PDS5B: variants seen among roughly 807,000 people sequenced by gnomAD.
PDS5B encodes the protein PDS5 cohesin associated factor B.
Under a neutral mutation model 184.1 loss-of-function variants are expected in PDS5B, and 51 were observed. That is an observed-to-expected ratio of 0.28 (90% CI 0.22 to 0.35). The LOEUF is 0.35. Among genes scored for constraint, PDS5B ranks in the 10% least tolerant of loss-of-function variants. The probability of loss-of-function intolerance (pLI) is 1.00; values close to 1 mark genes in which losing one functional copy is unlikely to be tolerated. For missense variants in PDS5B, 1,180 were observed against 1,723.3 expected (o/e 0.68, Z 5.58); for synonymous variants, 566 against 569.2 (o/e 0.99, Z 0.08).
chr13:32,646,774 G>GT (rs1465380923), intron 1 of PDS5B, among the ~76,000 whole-genome samples: 1 of 152,010 alleles, frequency 6.6e-6, no homozygotes, highest in Admixed American at 6.5e-5. Context: ...AAGCAATGTT[G>GT]TAGGTACTTT....
At chr13:32,602,607 T>C (rs2057994844) in intron 1 of PDS5B, among the ~76,000 whole-genome samples, 1 of 152,232 alleles carries the variant, frequency 6.6e-6, no homozygotes, top group South Asian at 2.1e-4. Flanking sequence ...TTTGGGTATA[T>C]ACCCAGTAAT....
chr13:32,629,248 C>T (rs983856700), intron 1 of PDS5B, among the ~76,000 whole-genome samples: 5 of 151,818 alleles, frequency 3.3e-5, no homozygotes, highest in South Asian at 2.1e-4. Context: ...ATCATTGCTC[C>T]GAGTTGTTCG....
Position 32,659,715 on chromosome 13 carries a change from GATTA to G in PDS5B, c.624+441_624+444del, listed in dbSNP as rs904609978. ...TGGTGACAGTGTTTCTTGCCTGCGT[GATTA>G]ATTAAGATGTTATGTTTGTATGTTT... is the stretch of plus-strand genomic sequence containing the variant. On this transcript the variant is annotated intron_variant, in intron 6 of 34. Coordinates refer to ENST00000315596, the MANE Select transcript of PDS5B (RefSeq NM_015032.4). Among the ~76,000 whole-genome samples, 9 of 152,282 alleles carry G rather than the reference GATTA, an allele frequency of 5.9e-5. No homozygotes were observed. The South Asian group carries it at 6.2e-4, about 11-fold the overall frequency.
chr13:32,699,940 A>C (rs573213536), intron 16 of PDS5B, 71 bp downstream of exon 16: 239 of 1,345,214 alleles, frequency 1.8e-4, no homozygotes, highest in Non-Finnish European at 2.2e-4. Context: ...CTTTTATAAA[A>C]GTAATTTATA....
chr13:32,735,460 A>T, intron 21 of PDS5B, 130 bp downstream of exon 21: 2 of 615,274 alleles, frequency 3.3e-6, no homozygotes, highest in Non-Finnish European at 5.3e-6. Flanking sequence ...TTTCCTGTTT[A>T]AAAAAAATAA....
intron 33 of PDS5B, among the ~76,000 whole-genome samples, chr13:32,772,792 T>C (rs1046718324): frequency 2.0e-5 from 3 of 152,094 alleles, no homozygotes; most frequent in African/African-American, 7.2e-5. Flanking sequence ...GCAATGGAGA[T>C]GTGGAGAGAA....
intron 19 of PDS5B, among the ~76,000 whole-genome samples, chr13:32,731,784 T>TG (rs1953131262): frequency 6.6e-6 from 1 of 152,092 alleles, no homozygotes. Context: ...GAAGTTTAGC[T>TG]GGAATGATAG....
chr13:32,646,893 T>C (rs1210607801), intron 1 of PDS5B, among the ~76,000 whole-genome samples: 2 of 152,200 alleles, frequency 1.3e-5, no homozygotes, highest in Non-Finnish European at 2.9e-5. Context: ...TTTGCAGTTA[T>C]ATTCTTTCTC....
chr13:32,630,464 T>C (rs1312570297), intron 1 of PDS5B, among the ~76,000 whole-genome samples: 3 of 152,156 alleles, frequency 2.0e-5, no homozygotes, highest in Admixed American at 2.0e-4. Context: ...AATGCACAGG[T>C]GCACCCTGAC....
chr13:32,655,480 G>A (rs1235111387), intron 3 of PDS5B, among the ~76,000 whole-genome samples: 1 of 147,962 alleles, frequency 6.8e-6, no homozygotes, highest in African/African-American at 2.5e-5. Context: ...TCAGGTTCAT[G>A]TGATTCTCCT....
At chr13:32,714,590 CG>C (rs1484871003) in intron 19 of PDS5B, among the ~76,000 whole-genome samples, 1 of 151,910 alleles carries the variant, frequency 6.6e-6, no homozygotes, top group African/African-American at 2.4e-5. Flanking sequence ...CCTCCAGGTG[CG>C]TATTCTCTTT....
intron 34 of PDS5B, 65 bp downstream of exon 34, chr13:32,773,389 A>C: frequency 1.5e-6 from 2 of 1,338,952 alleles, no homozygotes; most frequent in South Asian, 2.8e-5. Flanking sequence ...GTTTGGTTAG[A>C]TCATTTAGTA....
At chr13:32,679,441 C>T (rs1049149079) in intron 10 of PDS5B, among the ~76,000 whole-genome samples, 13 of 152,154 alleles carry the variant, frequency 8.5e-5, no homozygotes, top group African/African-American at 2.6e-4. Flanking sequence ...GAGATCAAGA[C>T]CATGCTGACC....
intron 1 of PDS5B, among the ~76,000 whole-genome samples, chr13:32,596,942 C>CT (rs532925419): frequency 5.9e-5 from 9 of 151,868 alleles, no homozygotes; most frequent in South Asian, 2.1e-4. Flanking sequence ...CTTGCCTTAT[C>CT]TTTTTTTTAA....
At chr13:32,657,916 A>AC (rs963099960) in intron 3 of PDS5B, among the ~76,000 whole-genome samples, 7 of 152,162 alleles carry the variant, frequency 4.6e-5, no homozygotes, top group Non-Finnish European at 8.8e-5. Flanking sequence ...TCATTGCAAC[A>AC]TTTTTTATTC....
At chr13:32,609,955 T>G (rs2058116644) in intron 1 of PDS5B, among the ~76,000 whole-genome samples, 1 of 151,808 alleles carries the variant, frequency 6.6e-6, no homozygotes, top group African/African-American at 2.4e-5. Flanking sequence ...GCAATAAAAT[T>G]TAATAGAGGA....
Position 32,742,606 on chromosome 13 carries a change from A to G in PDS5B, c.2491A>G (p.Met831Val). 6.2e-7 allele frequency: 1 copy of G among 1,611,940 alleles called. No homozygotes were observed. Among genetic ancestry groups the G allele is most frequent in the Non-Finnish European group, 8.5e-7 (1 of 1,178,510 alleles). ...TCTTAAATAGATTCAGGCTATTAAA[A>G]TGATGGTTCGATGGCTACTTGGAAT... is the stretch of plus-strand genomic sequence containing the variant. ...ETMVKIQAIK[M>V]MVRWLLGMKN... Residue 831 changes from methionine (M) to valine (V), a missense_variant, in exon 23 of 35, where the codon ATG (methionine) becomes GTG (valine). Around this residue, in one of 11 missense-constraint regions of PDS5B, gnomAD observed 475 missense variants for 691.5 expected, o/e 0.69. Transcript: ENST00000315596.
intron 31 of PDS5B, among the ~76,000 whole-genome samples, chr13:32,769,874 G>C (rs1954718962): frequency 6.6e-6 from 1 of 152,100 alleles, no homozygotes; most frequent in African/African-American, 2.4e-5. Context: ...CTGATCTTGA[G>C]AGGTTTCCTT....
rs1950842318 is a variant in PDS5B at position 32,667,864 on chromosome 13, G to A, written c.705+20G>A. The A allele has an allele frequency of 1.4e-6, 2 of 1,417,162 alleles. No individual in the cohort carries two copies. Among genetic ancestry groups the A allele is most frequent in the Non-Finnish European group, 1.9e-6 (2 of 1,034,344 alleles). The allele number at this position is 1,417,162 out of a possible 1,614,324, so 87.8% of individuals were successfully genotyped here. On this transcript the variant is annotated intron_variant, in intron 7 of 34. Coordinates refer to ENST00000315596, the MANE Select transcript of PDS5B (RefSeq NM_015032.4). ...ACCAATGTAAGTCTTACTTGTAATT[G>A]GTTGTCAGAAGGATTAAACTGAAAA...
Sources: gnomAD v4.1 joint callset for allele counts (sites outside exome capture counted in the v4.1 genomes callset) on GRCh38, gnomAD v4.1.1 for gene constraint, gnomAD v4.1.1 regional missense constraint, MANE v1.5 for transcripts, NCBI Gene and HGNC (gene_info 2026-07-23, HGNC 2026-07-21) for gene names.